PKP4: variants seen among roughly 807,000 people sequenced by gnomAD.
PKP4 encodes the protein plakophilin 4.
In PKP4, 90 loss-of-function variants were observed where a neutral mutation model predicts 145.1. The ratio of observed to expected loss-of-function variants is 0.62; its 90% CI spans 0.52 to 0.74. The LOEUF (loss-of-function observed/expected upper bound fraction) is 0.74, where lower values mean the gene tolerates loss of function less well. Ranked by LOEUF, PKP4 falls within the 30% of genes least tolerant of loss-of-function variation. PKP4 has a pLI of 0.00. For synonymous variants in PKP4, 563 were observed against 577.2 expected, an observed-to-expected ratio of 0.98 and a Z score of 0.35; for missense variants, 1,340 against 1,482.7, an observed-to-expected ratio of 0.90 and a Z score of 1.58.
At chr2:158,537,621 A>G (rs1394537171) in intron 2 of PKP4, among the ~76,000 whole-genome samples, 1 of 152,238 alleles carries the variant, frequency 6.6e-6, no homozygotes. Context: ...AGAATCCAGG[A>G]GTCCATGATG....
intron 11 of PKP4, among the ~76,000 whole-genome samples, chr2:158,646,710 G>A (rs1004316741): frequency 2.6e-5 from 4 of 152,194 alleles, no homozygotes; most frequent in Non-Finnish European, 4.4e-5. Context: ...TGCTCAAGCC[G>A]TCTTTAATTG....
intron 1 of PKP4, among the ~76,000 whole-genome samples, chr2:158,461,739 A>G (rs916754808): frequency 1.2e-4 from 18 of 152,126 alleles, no homozygotes; most frequent in African/African-American, 4.3e-4. Flanking sequence ...CCTCTCCACT[A>G]AATATAAATT....
intron 1 of PKP4, among the ~76,000 whole-genome samples, chr2:158,522,816 T>G (rs2042518325): frequency 6.6e-6 from 1 of 152,190 alleles, no homozygotes; most frequent in Non-Finnish European, 1.5e-5. Flanking sequence ...TTGCCTCACC[T>G]GGGAAGCGCA....
intron 3 of PKP4, among the ~76,000 whole-genome samples, chr2:158,582,402 T>C (rs1478791637): frequency 6.6e-6 from 1 of 152,100 alleles, no homozygotes; most frequent in East Asian, 1.9e-4. Context: ...AATACAAAAA[T>C]TAAAAGTTGG....
chr2:158,473,622 CAAA>C (rs1270164802), intron 1 of PKP4, among the ~76,000 whole-genome samples: 1 of 149,882 alleles, frequency 6.7e-6, no homozygotes, highest in Non-Finnish European at 1.5e-5. Flanking sequence ...GTCACAGACA[CAAA>C]GAAGGAAACA....
intron 1 of PKP4, among the ~76,000 whole-genome samples, chr2:158,513,170 A>G (rs1317945476): frequency 6.6e-6 from 1 of 152,184 alleles, no homozygotes; most frequent in Non-Finnish European, 1.5e-5. Context: ...ACATGTTAAG[A>G]GTCTGTTCCT....
At chr2:158,630,513 A>C (rs2053249335) in intron 7 of PKP4, among the ~76,000 whole-genome samples, 1 of 152,250 alleles carries the variant, frequency 6.6e-6, no homozygotes, top group South Asian at 2.1e-4. Context: ...TTCACTGATA[A>C]TATTACAAAA....
chr2:158,564,722 C>T (rs1395029701), intron 2 of PKP4, among the ~76,000 whole-genome samples: 4 of 152,030 alleles, frequency 2.6e-5, no homozygotes, highest in African/African-American at 9.7e-5. Flanking sequence ...ATTTGATTTT[C>T]TTTTTCCTTA....
intron 9 of PKP4, among the ~76,000 whole-genome samples, chr2:158,640,016 TCA>T (rs2054140354): frequency 6.6e-6 from 1 of 152,226 alleles, no homozygotes; most frequent in Admixed American, 6.5e-5. Context: ...AATTCCAAAC[TCA>T]CACATGTGTG....
At chr2:158,508,533 G>A (rs2041216211) in intron 1 of PKP4, among the ~76,000 whole-genome samples, 1 of 152,174 alleles carries the variant, frequency 6.6e-6, no homozygotes, top group Non-Finnish European at 1.5e-5. Context: ...AAACCCAGCT[G>A]TTCCTAGAGT....
At chr2:158,659,376 G>C (rs1341256636) in intron 12 of PKP4, 1 of 152,330 alleles carries the variant, frequency 6.6e-6, no homozygotes, top group African/African-American at 2.4e-5. Flanking sequence ...GGAGAGCCTG[G>C]GGCAGGACTC....
Position 158,644,776 on chromosome 2 carries a change from T to G in PKP4, c.1909+2077T>G, listed in dbSNP as rs1042849866. 3.3e-5 allele frequency among the ~76,000 whole-genome samples: 5 copies of G among 152,192 alleles called. No homozygotes were observed. The South Asian group carries it at 1.0e-3, about 32-fold the overall frequency. On this transcript the variant is annotated intron_variant, in intron 11 of 21. Coordinates refer to ENST00000389759, the MANE Select transcript of PKP4 (RefSeq NM_003628.6). The stretch of plus-strand genomic sequence containing the variant: ...TGAAGAGGAAGGAGGAAAATGGGAC[T>G]GGGGGTTGTATTCCACCTCTGTTTC...
At chr2:158,520,922 C>T (rs2042317756) in intron 1 of PKP4, among the ~76,000 whole-genome samples, 1 of 152,204 alleles carries the variant, frequency 6.6e-6, no homozygotes, top group African/African-American at 2.4e-5. Flanking sequence ...TTGGTTCATT[C>T]ATTTATTGCT....
At chr2:158,610,978 C>T (rs779056025) in intron 4 of PKP4, among the ~76,000 whole-genome samples, 5 of 151,964 alleles carry the variant, frequency 3.3e-5, no homozygotes, top group Non-Finnish European at 7.4e-5. Flanking sequence ...ATGGATGTTA[C>T]GTAGGTGATA....
chr2:158,518,139 C>T (rs1483426886), intron 1 of PKP4, among the ~76,000 whole-genome samples: 2 of 152,156 alleles, frequency 1.3e-5, no homozygotes, highest in Admixed American at 6.5e-5. Context: ...TAGGCTCAGT[C>T]AGGTGCCTGG....
intron 10 of PKP4, among the ~76,000 whole-genome samples, chr2:158,640,988 C>T (rs1160607825): frequency 2.6e-5 from 4 of 152,156 alleles, no homozygotes; most frequent in Non-Finnish European, 4.4e-5. Flanking sequence ...CGTATGTCTA[C>T]TTCATTAGCT....
At chr2:158,561,854 A>G (rs1019766335) in intron 2 of PKP4, among the ~76,000 whole-genome samples, 1 of 150,542 alleles carries the variant, frequency 6.6e-6, no homozygotes, top group Non-Finnish European at 1.5e-5. Flanking sequence ...TTTGTTACAT[A>G]GGTATACATG....
At chr2:158,532,791 T>C (rs904420003) in intron 1 of PKP4, among the ~76,000 whole-genome samples, 1 of 152,264 alleles carries the variant, frequency 6.6e-6, no homozygotes, top group East Asian at 1.9e-4. Flanking sequence ...GTTATTAATA[T>C]GTTATATTTC....
At chr2:158,677,002 C>A in intron 20 of PKP4, 135 bp downstream of exon 20, 1 of 1,033,576 alleles carries the variant, frequency 9.7e-7, no homozygotes, top group Non-Finnish European at 1.5e-6. Context: ...CAGTCATTCC[C>A]TTTCCTACTT....
Sources: gnomAD v4.1 joint callset for allele counts (sites outside exome capture counted in the v4.1 genomes callset) on GRCh38, gnomAD v4.1.1 for gene constraint, MANE v1.5 for transcripts, NCBI Gene and HGNC (gene_info 2026-07-23, HGNC 2026-07-21) for gene names.